PDE4D: variants seen among roughly 807,000 people sequenced by gnomAD.
PDE4D encodes 3',5'-cyclic-AMP phosphodiesterase 4D.
A neutral mutation model predicts 87.4 loss-of-function variants in PDE4D; 24 were observed. The ratio of observed to expected loss-of-function variants is 0.27; its 90% CI spans 0.20 to 0.39. The LOEUF is 0.39. PDE4D is among the 10% of genes least tolerant of loss of function. The probability of loss-of-function intolerance (pLI) is 1.00; values close to 1 mark genes in which losing one functional copy is unlikely to be tolerated. For missense variants in PDE4D, 714 were observed against 1,041.0 expected (o/e 0.69, Z 4.32); for synonymous variants, 384 against 383.2 (o/e 1.00, Z -0.02).
At chr5:59,016,021 G>T (rs1264570190) in intron 6 of PDE4D, among the ~76,000 whole-genome samples, 3 of 152,146 alleles carry the variant, frequency 2.0e-5, no homozygotes, top group African/African-American at 4.8e-5. Context: ...GCAAACTGTT[G>T]CAAGGACAGA....
At chr5:60,453,492 A>T (rs1746246229) in intron 1 of PDE4D, among the ~76,000 whole-genome samples, 1 of 152,178 alleles carries the variant, frequency 6.6e-6, no homozygotes, top group African/African-American at 2.4e-5. Flanking sequence ...ATAAAAATCA[A>T]ATCTTTGGGA....
chr5:59,668,762 A>AAAG (rs1314098752), intron 1 of PDE4D, among the ~76,000 whole-genome samples: 2 of 138,240 alleles, frequency 1.4e-5, no homozygotes, highest in Non-Finnish European at 3.2e-5. Flanking sequence ...AAGAAAGAAG[A>AAAG]AAGAAGAAGA....
chr5:60,056,538 G>A (rs1364261162), intron 2 of PDE4D, among the ~76,000 whole-genome samples: 1 of 151,976 alleles, frequency 6.6e-6, no homozygotes, highest in Non-Finnish European at 1.5e-5. Context: ...AGGGGAGGGA[G>A]GGGCTGTCAA....
intron 1 of PDE4D, among the ~76,000 whole-genome samples, chr5:59,546,817 C>T (rs182948606): frequency 6.6e-6 from 1 of 152,220 alleles, no homozygotes; most frequent in Admixed American, 6.5e-5. Context: ...TTGAGCAAAT[C>T]CTGAATCCAG....
chr5:60,449,168 C>A (rs1054799784), intron 1 of PDE4D, among the ~76,000 whole-genome samples: 3 of 149,328 alleles, frequency 2.0e-5, no homozygotes, highest in Non-Finnish European at 4.4e-5. Context: ...CTCCCTAGAT[C>A]CCATTTTTAA....
intron 1 of PDE4D, among the ~76,000 whole-genome samples, chr5:59,803,789 A>C (rs1466929784): frequency 1.3e-5 from 2 of 152,212 alleles, no homozygotes; most frequent in Admixed American, 1.3e-4. Context: ...CAACACAGAC[A>C]AGGTCACGTG....
chr5:59,655,543 T>C (rs759418184), intron 1 of PDE4D, among the ~76,000 whole-genome samples: 1 of 152,190 alleles, frequency 6.6e-6, no homozygotes, highest in Non-Finnish European at 1.5e-5. Context: ...CCTGAACATA[T>C]TCACTTCACC....
At chr5:60,045,771 T>C (rs1769158037) in intron 2 of PDE4D, among the ~76,000 whole-genome samples, 1 of 152,224 alleles carries the variant, frequency 6.6e-6, no homozygotes, top group Non-Finnish European at 1.5e-5. Context: ...TGTAGCCTTG[T>C]AGTATAGTTT....
chr5:59,994,781 T>G (rs1371296638), intron 2 of PDE4D, among the ~76,000 whole-genome samples: 1 of 152,178 alleles, frequency 6.6e-6, no homozygotes, highest in Non-Finnish European at 1.5e-5. Flanking sequence ...TCCACAAAAA[T>G]TTAGCATTTT....
At chr5:59,441,500 A>T (rs1346076873) in intron 1 of PDE4D, among the ~76,000 whole-genome samples, 1 of 152,180 alleles carries the variant, frequency 6.6e-6, no homozygotes, top group Non-Finnish European at 1.5e-5. Flanking sequence ...AGTTCCGAAG[A>T]CATCATGATT....
chr5:59,391,411 A>T (rs2607343), intron 1 of PDE4D, among the ~76,000 whole-genome samples: 63,358 of 151,500 alleles, frequency 0.42, 13,479 homozygotes, highest in East Asian at 0.48. Flanking sequence ...GGATTTTTTT[A>T]AAACCCACAT....
chr5:59,938,701 ATTTT>A (rs2152796119), intron 3 of PDE4D, among the ~76,000 whole-genome samples: 2 of 152,234 alleles, frequency 1.3e-5, no homozygotes, highest in South Asian at 4.1e-4. Context: ...GATTATGTTT[ATTTT>A]GTCTTTCCTG....
intron 1 of PDE4D, among the ~76,000 whole-genome samples, chr5:59,855,886 G>A (rs1482540964): frequency 2.0e-5 from 3 of 152,070 alleles, no homozygotes; most frequent in East Asian, 1.9e-4. Flanking sequence ...AGTATTCTAC[G>A]ATATTGCCCT....
chr5:60,434,277 C>T lies in PDE4D; in HGVS notation c.-90+53665G>A, dbSNP rs537597336. On this transcript the variant is annotated intron_variant, in intron 1 of 16. Coordinates refer to the PDE4D transcript ENST00000502484. ...TGAATTTATAAATGGTTGTAAGATT[C>T]GGCACTGTAAGAAATCTTTAAATAA... is the stretch of plus-strand genomic sequence containing the variant. Among the ~76,000 whole-genome samples, 186 of 152,152 alleles carry T rather than the reference C, an allele frequency of 1.2e-3. 2 individuals are homozygous for T. Among genetic ancestry groups the T allele is most frequent in the Non-Finnish European group, 4.1e-4 (28 of 67,962 alleles).
intron 1 of PDE4D, among the ~76,000 whole-genome samples, chr5:59,614,656 A>G (rs1579856736): frequency 1.3e-5 from 2 of 152,210 alleles, no homozygotes; most frequent in Non-Finnish European, 2.9e-5. Flanking sequence ...CATTTTAAAA[A>G]CTATAGAATA....
chr5:60,208,495 A>G (rs1303578389), intron 1 of PDE4D, among the ~76,000 whole-genome samples: 2 of 152,174 alleles, frequency 1.3e-5, no homozygotes, highest in African/African-American at 2.4e-5. Flanking sequence ...CTATGGGTGC[A>G]CAGCCCCTTA....
intron 3 of PDE4D, among the ~76,000 whole-genome samples, chr5:59,982,226 T>C (rs1380996554): frequency 6.6e-6 from 1 of 152,206 alleles, no homozygotes; most frequent in African/African-American, 2.4e-5. Flanking sequence ...AATAGGATAC[T>C]AGGGATGAGA....
intron 1 of PDE4D, among the ~76,000 whole-genome samples, chr5:59,351,905 C>G (rs1382387734): frequency 2.6e-5 from 4 of 152,080 alleles, no homozygotes; most frequent in Non-Finnish European, 4.4e-5. Flanking sequence ...AACAATACCT[C>G]TCATTATGGA....
Position 59,870,027 on chromosome 5 carries a change from C to T in PDE4D, c.455+23141G>A, listed in dbSNP as rs1581511425. ...ATAAGAAAGAATGCTATGATAGATACTTCTGGATTTGTTGCCCACATACCA... is the reference window on the plus strand; with the variant it reads ...ATAAGAAAGAATGCTATGATAGATATTTCTGGATTTGTTGCCCACATACCA... On this transcript the variant is annotated intron_variant, in intron 1 of 14. Coordinates refer to ENST00000340635, the MANE Select transcript of PDE4D (RefSeq NM_001104631.2). Among the ~76,000 whole-genome samples the T allele has an allele frequency of 2.6e-5, 4 of 152,260 alleles. 1 individual carries two copies. The highest frequency in any genetic ancestry group is 9.6e-5 in the African/African-American group (4 of 41,562).
Sources: gnomAD v4.1 joint callset for allele counts (sites outside exome capture counted in the v4.1 genomes callset) on GRCh38, gnomAD v4.1.1 for gene constraint, MANE v1.5 for transcripts, NCBI Gene and HGNC (gene_info 2026-07-23, HGNC 2026-07-21) for gene names.